Variants in DMBT1 observed in about 807,000 individuals in gnomAD.
DMBT1 encodes deleted in malignant brain tumors 1, also known as scavenger receptor cysteine-rich domain-containing protein DMBT1.
DMBT1 carries 198 observed loss-of-function variants against 252.9 expected under a neutral mutation model. That is an observed-to-expected ratio of 0.78 (90% CI 0.70 to 0.88). DMBT1 has a LOEUF of 0.88. Among genes scored for constraint, DMBT1 ranks in the 40% least tolerant of loss-of-function variants. DMBT1 has a pLI of 0.00. For missense variants in DMBT1, 2,432 were observed against 2,404.7 expected, an observed-to-expected ratio of 1.01 and a Z score of -0.24; for synonymous variants, 990 against 942.7, an observed-to-expected ratio of 1.05 and a Z score of -0.92.
chr10:122,562,522 C>A (rs113414148), intron 1 of DMBT1, among the ~76,000 whole-genome samples: 15 of 152,342 alleles, frequency 9.8e-5, no homozygotes, highest in African/African-American at 3.1e-4. Context: ...GCATCTGAAA[C>A]TGGGAGGCTG....
At chr10:122,632,589 CT>C in intron 50 of DMBT1, among the ~76,000 whole-genome samples, 1 of 152,246 alleles carries the variant, frequency 6.6e-6, no homozygotes, top group Non-Finnish European at 1.5e-5. Flanking sequence ...AATTACTGCC[CT>C]TTTTTCCCCA....
chr10:122,578,381 C>T (rs745456259), intron 8 of DMBT1, among the ~76,000 whole-genome samples: 6 of 152,106 alleles, frequency 3.9e-5, no homozygotes, highest in African/African-American at 9.7e-5. Flanking sequence ...CCTAGTATCC[C>T]GAACATTTTA....
chr10:122,574,543 G>C (rs1450094355), intron 6 of DMBT1, among the ~76,000 whole-genome samples: 4 of 152,164 alleles, frequency 2.6e-5, no homozygotes, highest in Non-Finnish European at 5.9e-5. Context: ...GGTGAGGTCT[G>C]ACTTAACCTC....
chr10:122,600,270 G>A (rs960835971), intron 27 of DMBT1, among the ~76,000 whole-genome samples, 177 bp downstream of exon 27: 1 of 150,326 alleles, frequency 6.7e-6, no homozygotes, highest in African/African-American at 2.5e-5. Context: ...ACACACACAG[G>A]ATTGAGGAGG....
rs368725778 is a variant in DMBT1, at chr10:122,637,237, C to T, written c.6867C>T (p.Tyr2289=). 5.9e-5 allele frequency: 96 copies of T among 1,614,006 alleles called. No homozygotes were observed. Among genetic ancestry groups the T allele is most frequent in the South Asian group, 1.2e-4 (11 of 91,082 alleles). Residue 2289 remains tyrosine, a synonymous_variant, in exon 54 of 56, where the codon TAC becomes TAT. Transcript: ENST00000338354. ...DLVISTWNGY[Y]ECRPQITPNL... The stretch of plus-strand genomic sequence containing the variant: ...TCATTTCCACCTGGAATGGATACTA[C>T]GAGTGTCGGCCCCAGATAACGCCGA...
intron 52 of DMBT1, among the ~76,000 whole-genome samples, chr10:122,635,430 G>A (rs972923225): frequency 6.6e-6 from 1 of 152,232 alleles, no homozygotes; most frequent in South Asian, 2.1e-4. Context: ...CAGGTGAGGG[G>A]CTGTAGATTT....
chr10:122,620,129 G>T, intron 42 of DMBT1, 124 bp from the exon 43 acceptor site: 2 of 1,011,804 alleles, frequency 2.0e-6, no homozygotes, highest in Non-Finnish European at 1.5e-6. Context: ...GGTAGCACTT[G>T]GAGCAAGTGG....
chr10:122,621,252 G>A lies in DMBT1; in HGVS notation c.5480G>A (p.Gly1827Asp). ...CCAGGAAATGCCCGGTTTGGCCAGG[G>A]CTCAGGACCCATTGTCCTGGATGAT... is the stretch of plus-strand genomic sequence containing the variant. ...SAPGNARFGQ[G>D]SGPIVLDDVR... The change falls in exon 44 of 56, where the codon GGC becomes GAC. Residue 1827 changes from glycine to aspartate, a missense_variant. This residue lies in a region of DMBT1 where 1,162 missense variants were observed against 1,169.0 expected (regional missense o/e 0.99). Coordinates refer to ENST00000338354, the MANE Select transcript of DMBT1 (RefSeq NM_001377530.1). 2.5e-6 allele frequency: 4 copies of A among 1,613,854 alleles called. No individual in the cohort carries two copies. The highest frequency in any genetic ancestry group is 3.4e-6 in the Non-Finnish European group (4 of 1,179,780).
Position 122,618,078 on chromosome 10 carries a change from G to A in DMBT1, c.4953G>A (p.Val1651=). The A allele has an allele frequency of 1.9e-6, 3 of 1,613,842 alleles. No individual in the cohort carries two copies. The highest frequency in any genetic ancestry group is 2.5e-6 in the Non-Finnish European group (3 of 1,179,844). The change falls in exon 41 of 56, where the codon GTG becomes GTA. Residue 1651 remains valine, a synonymous_variant. Coordinates refer to ENST00000338354, the MANE Select transcript of DMBT1 (RefSeq NM_001377530.1). The stretch of plus-strand genomic sequence containing the variant: ...GAGGTGACAGGTGTCGAGGCCGAGT[G>A]GAGGTCCTATACCAAGGCTCCTGGG... ...VNGGDRCRGR[V]EVLYQGSWGT... is the part of the protein sequence containing the mutation.
rs755446563 is a variant in DMBT1, at chr10:122,640,184, G to GACACCATCCACGTTGCTAATA, written c.7098_7118dup (p.His2366_Ile2372dup). 6.2e-7 allele frequency: 1 copy of GACACCATCCACGTTGCTAATA among 1,614,058 alleles called. No homozygotes were observed. The highest frequency in any genetic ancestry group is 1.3e-5 in the African/African-American group (1 of 75,062). On this transcript the variant is annotated inframe_insertion, in exon 55 of 56. Transcript: ENST00000338354. ...GGTCGACACCATGTACATTGCTAAT[G>GACACCATCCACGTTGCTAATA]ACACCATCCACGTTGCTAATAACAC...
intron 7 of DMBT1, among the ~76,000 whole-genome samples, 189 bp from the exon 8 acceptor site, chr10:122,577,622 G>A (rs1366910164): frequency 1.3e-5 from 2 of 152,184 alleles, no homozygotes; most frequent in Non-Finnish European, 2.9e-5. Context: ...CAGGCACAGA[G>A]AAGGCAATGC....
At chr10:122,599,192 T>G in intron 26 of DMBT1, 95 bp downstream of exon 26, 3 of 1,579,968 alleles carry the variant, frequency 1.9e-6, no homozygotes, top group Non-Finnish European at 2.6e-6. Context: ...TCAAAGCTTC[T>G]TCTATGTTTT....
chr10:122,586,484 C>T (rs1248478937), intron 16 of DMBT1, 101 bp downstream of exon 16: 4 of 1,494,936 alleles, frequency 2.7e-6, no homozygotes, highest in Non-Finnish European at 3.6e-6. Context: ...TTCAACTTTT[C>T]CTATATTTCT....
intron 27 of DMBT1, among the ~76,000 whole-genome samples, chr10:122,600,566 G>A (rs1239713644): frequency 1.3e-5 from 2 of 152,206 alleles, no homozygotes; most frequent in Admixed American, 6.5e-5. Context: ...GCTTGGGCAG[G>A]GAGAGGGATA....
chr10:122,587,602 GT>G lies in DMBT1; in HGVS notation c.1783+1221del, dbSNP rs1294273944. Among the ~76,000 whole-genome samples the G allele has an allele frequency of 1.3e-5, 2 of 148,228 alleles. 1 individual carries two copies. The highest frequency in any genetic ancestry group is 3.0e-5 in the Non-Finnish European group (2 of 66,676). ...ACTGCTAAGATGTGCAAGGGAGTGG[GT>G]TGGTTTTGTGTCAACCTGATTACTA... is the stretch of plus-strand genomic sequence containing the variant. On this transcript the variant is annotated intron_variant, in intron 16 of 55. Coordinates refer to ENST00000338354, the MANE Select transcript of DMBT1 (RefSeq NM_001377530.1).
intron 40 of DMBT1, among the ~76,000 whole-genome samples, 199 bp downstream of exon 40, chr10:122,617,459 G>A (rs1039038848): frequency 5.3e-5 from 8 of 151,380 alleles, no homozygotes; most frequent in Non-Finnish European, 1.2e-4. Flanking sequence ...TGTCTCTCAT[G>A]GGACCCTGTT....
rs112016155 is a variant in DMBT1 at position 122,625,357 on chromosome 10, T to G, written c.5635+54T>G. On this transcript the variant is annotated intron_variant, in intron 45 of 55. Transcript: ENST00000338354. ...TATTTCTCTTGGGAATTCCACCCTCTCTTGTTTCCAGAAGTAGGAGGAGTA... is the reference window on the plus strand; with the variant it reads ...TATTTCTCTTGGGAATTCCACCCTCGCTTGTTTCCAGAAGTAGGAGGAGTA... 76 of 1,550,618 alleles carry G rather than the reference T, an allele frequency of 4.9e-5. 4 individuals carry two copies. Among genetic ancestry groups the G allele is most frequent in the African/African-American group, 4.6e-4 (34 of 73,946 alleles).
At chr10:122,598,714 T>C (rs1268511799) in intron 25 of DMBT1, 60 bp from the exon 26 acceptor site, 1 of 1,610,892 alleles carries the variant, frequency 6.2e-7, no homozygotes, top group African/African-American at 1.3e-5. Flanking sequence ...GTGTGGAACA[T>C]TCCTTAGATT....
chr10:122,572,261 C>G (rs1174517679), intron 4 of DMBT1, 53 bp from the exon 5 acceptor site: 2 of 1,609,122 alleles, frequency 1.2e-6, no homozygotes, highest in Admixed American at 1.7e-5. Context: ...ATGGACCAAC[C>G]CTCTTCAAGC....
Sources: allele counts gnomAD v4.1 joint callset (sites outside exome capture counted in the v4.1 genomes callset), GRCh38; gene constraint gnomAD v4.1.1; regional missense constraint gnomAD v4.1.1; transcripts MANE v1.5; gene names NCBI Gene and HGNC (gene_info 2026-07-23, HGNC 2026-07-21).